Variants in SLC22A24 observed in about 807,000 individuals in gnomAD.
The protein encoded by SLC22A24 is steroid transmembrane transporter SLC22A24.
In SLC22A24, 53 loss-of-function variants were observed where a neutral mutation model predicts 49.8. The ratio of observed to expected loss-of-function variants is 1.06; its 90% CI spans 0.85 to 1.34. The LOEUF is 1.34. SLC22A24 is among the 40% of genes most tolerant of loss of function. The pLI, the probability that SLC22A24 is intolerant of heterozygous loss-of-function variation, is 0.00. For missense variants in SLC22A24, 786 were observed against 675.9 expected (o/e 1.16, Z -1.81); for synonymous variants, 302 against 256.4 (o/e 1.18, Z -1.70).
intron 2 of SLC22A24, among the ~76,000 whole-genome samples, chr11:63,125,229 A>G (rs1158648217): frequency 6.6e-6 from 1 of 152,104 alleles, no homozygotes; most frequent in Non-Finnish European, 1.5e-5. Flanking sequence ...ACATAGGTGT[A>G]CAAGTGCCAT....
At chr11:63,131,316 C>T (rs940891022) in intron 2 of SLC22A24, among the ~76,000 whole-genome samples, 2 of 152,086 alleles carry the variant, frequency 1.3e-5, no homozygotes, top group African/African-American at 4.8e-5. Flanking sequence ...TCGAGCCTGT[C>T]ATTATGATGT....
intron 6 of SLC22A24, among the ~76,000 whole-genome samples, chr11:63,090,221 G>C (rs2087011866): frequency 6.6e-6 from 1 of 151,350 alleles, no homozygotes; most frequent in Non-Finnish European, 1.5e-5. Context: ...CAAGTTCTTA[G>C]AGACCTACAA....
At chr11:63,111,554 A>C (rs2087164960) in intron 4 of SLC22A24, among the ~76,000 whole-genome samples, 2 of 152,090 alleles carry the variant, frequency 1.3e-5, no homozygotes, top group Non-Finnish European at 2.9e-5. Flanking sequence ...TCAGAGATTC[A>C]ACTTCTTCCT....
Position 63,113,059 on chromosome 11 carries a change from T to TAC in SLC22A24, c.830+5852_830+5853insGT, listed in dbSNP as rs2087180868. Among the ~76,000 whole-genome samples the TAC allele has an allele frequency of 7.7e-4, 2 of 2,596 alleles. 1 individual carries two copies. Among genetic ancestry groups the TAC allele is most frequent in the African/African-American group, 8.8e-4 (2 of 2,282 alleles). 1.7% of individuals were successfully genotyped at this position (2,596 alleles called of 152,430 possible). ...AAATATATATATATATATATACATATATATATATACATATATATACACATA... is the reference window on the plus strand; with the variant it reads ...AAATATATATATATATATATACATATACATATATATACATATATATACACATA... On this transcript the variant is annotated intron_variant, in intron 4 of 9. Transcript: ENST00000612278.
At chr11:63,121,302 GC>G in intron 2 of SLC22A24, among the ~76,000 whole-genome samples, 1 of 151,976 alleles carries the variant, frequency 6.6e-6, no homozygotes, top group Admixed American at 6.6e-5. Context: ...AAAAATTAAA[GC>G]CTATTAGTAA....
At chr11:63,085,066 G>A (rs1332615615) in intron 6 of SLC22A24, among the ~76,000 whole-genome samples, 1 of 151,934 alleles carries the variant, frequency 6.6e-6, no homozygotes, top group African/African-American at 2.4e-5. Context: ...AGGTGAAGAT[G>A]ATGATTTTCT....
intron 6 of SLC22A24, among the ~76,000 whole-genome samples, chr11:63,095,773 A>G (rs2087050430): frequency 6.6e-6 from 1 of 152,248 alleles, no homozygotes; most frequent in African/African-American, 2.4e-5. Flanking sequence ...GTGCTGGAAT[A>G]TGATGCTGAT....
chr11:63,133,496 G>T (rs989695392), intron 2 of SLC22A24, among the ~76,000 whole-genome samples: 2 of 152,248 alleles, frequency 1.3e-5, no homozygotes, highest in African/African-American at 2.4e-5. Flanking sequence ...ATGACATTGA[G>T]CATCTAAACT....
At chr11:63,124,982 T>C (rs915170034) in intron 2 of SLC22A24, among the ~76,000 whole-genome samples, 2 of 151,718 alleles carry the variant, frequency 1.3e-5, no homozygotes, top group Non-Finnish European at 2.9e-5. Context: ...AGGGATAGCA[T>C]TAGGAGATAT....
At chr11:63,105,544 TG>T (rs2087115566) in intron 4 of SLC22A24, among the ~76,000 whole-genome samples, 3 of 152,190 alleles carry the variant, frequency 2.0e-5, no homozygotes, top group Non-Finnish European at 4.4e-5. Context: ...TGCCAAGGCT[TG>T]GGGCTTGCAT....
intron 4 of SLC22A24, among the ~76,000 whole-genome samples, chr11:63,106,951 A>G (rs2087125672): frequency 6.6e-6 from 1 of 152,156 alleles, no homozygotes; most frequent in Admixed American, 6.5e-5. Flanking sequence ...CCGTCTGTGA[A>G]TTATGGCTTT....
intron 2 of SLC22A24, among the ~76,000 whole-genome samples, chr11:63,127,133 C>T (rs2087297299): frequency 1.3e-5 from 2 of 152,130 alleles, no homozygotes; most frequent in Non-Finnish European, 2.9e-5. Context: ...GCCCCAGCCC[C>T]CCACTCCCTG....
At chr11:63,093,043 C>T (rs1408857482) in intron 6 of SLC22A24, among the ~76,000 whole-genome samples, 1 of 152,084 alleles carries the variant, frequency 6.6e-6, no homozygotes, top group African/African-American at 2.4e-5. Context: ...CATGAGCAGA[C>T]ATTTCTCAAA....
chr11:63,099,371 A>ATT (rs56708217), intron 5 of SLC22A24, among the ~76,000 whole-genome samples: 7,893 of 52,040 alleles, frequency 0.15, 1,932 homozygotes, highest in Non-Finnish European at 0.18. Flanking sequence ...AATTTTTAAG[A>ATT]TTTTTTTTTT....
intron 5 of SLC22A24, among the ~76,000 whole-genome samples, chr11:63,103,141 G>T (rs538529331): frequency 3.3e-5 from 5 of 152,102 alleles, no homozygotes; most frequent in African/African-American, 1.2e-4. Flanking sequence ...GAAATCATTT[G>T]GGGCCAGAGG....
In SLC22A24 at chr11:63,143,522, C is replaced by A; in HGVS notation, c.258G>T (p.Gln86His). Residue 86 changes from glutamine to histidine, a missense_variant, in exon 1 of 10, where the codon CAG (glutamine) becomes CAT (histidine). Transcript: ENST00000612278. The stretch of plus-strand genomic sequence containing the variant: ...GGGGATGGATAAAGCGCTGACACTT[C>A]TGTGGCCTCAGGTTTGAGTCCAGTG... ...SIPLDSNLRPQKCQRFIHPQW... is the reference protein window; with the variant it reads ...SIPLDSNLRPHKCQRFIHPQW... The A allele has an allele frequency of 6.3e-7, 1 of 1,597,820 alleles. No homozygotes were observed. The highest frequency in any genetic ancestry group is 8.5e-7 in the Non-Finnish European group (1 of 1,172,652).
At chr11:63,093,547 A>G (rs577855426) in intron 6 of SLC22A24, among the ~76,000 whole-genome samples, 2 of 152,208 alleles carry the variant, frequency 1.3e-5, no homozygotes, top group South Asian at 2.1e-4. Context: ...TTGCAGGAAC[A>G]TGGGTGGGGC....
chr11:63,129,921 A>T (rs1565043262), intron 2 of SLC22A24, among the ~76,000 whole-genome samples: 1 of 152,208 alleles, frequency 6.6e-6, no homozygotes, highest in Non-Finnish European at 1.5e-5. Context: ...TCATCTGCAA[A>T]CAGAGACAAT....
intron 5 of SLC22A24, among the ~76,000 whole-genome samples, chr11:63,102,056 A>G (rs2087094487): frequency 6.6e-6 from 1 of 152,124 alleles, no homozygotes; most frequent in South Asian, 2.1e-4. Context: ...GTGAACAATA[A>G]TATATTGTAC....
Sources: gnomAD v4.1 joint callset for allele counts (sites outside exome capture counted in the v4.1 genomes callset) on GRCh38, gnomAD v4.1.1 for gene constraint, MANE v1.5 for transcripts, NCBI Gene and HGNC (gene_info 2026-07-23, HGNC 2026-07-21) for gene names.